PDZRN4: variants seen among roughly 807,000 people sequenced by gnomAD.
PDZRN4 encodes PDZ domain-containing RING finger protein 4.
Under a neutral mutation model 99.0 loss-of-function variants are expected in PDZRN4, and 70 were observed. The observed-to-expected ratio is 0.71, with a 90% CI of 0.58 to 0.86. The LOEUF (loss-of-function observed/expected upper bound fraction) is 0.86, where lower values mean the gene tolerates loss of function less well. Among genes scored for constraint, PDZRN4 ranks in the 40% least tolerant of loss-of-function variants. The pLI, the probability that PDZRN4 is intolerant of heterozygous loss-of-function variation, is 0.00. For synonymous variants in PDZRN4, 551 were observed against 501.6 expected (o/e 1.10, Z -1.32); for missense variants, 1,474 against 1,331.2 (o/e 1.11, Z -1.67).
chr12:41,376,487 G>A (rs1169142958), intron 3 of PDZRN4, among the ~76,000 whole-genome samples: 1 of 151,850 alleles, frequency 6.6e-6, no homozygotes, highest in Non-Finnish European at 1.5e-5. Context: ...CACTTATATT[G>A]AATATATTTT....
At chr12:41,266,115 TC>T (rs1951274673) in intron 3 of PDZRN4, among the ~76,000 whole-genome samples, 1 of 14,658 alleles carries the variant, frequency 6.8e-5, no homozygotes, top group African/African-American at 1.8e-4. Context: ...ATCGAGACCA[TC>T]CCGGCTAAAA....
At chr12:41,566,489 G>A (rs1939374004) in intron 8 of PDZRN4, among the ~76,000 whole-genome samples, 1 of 152,110 alleles carries the variant, frequency 6.6e-6, no homozygotes, top group Non-Finnish European at 1.5e-5. Context: ...GCATATCAAA[G>A]TCACAGGAAT....
chr12:41,515,665 G>A (rs138679471), intron 5 of PDZRN4, among the ~76,000 whole-genome samples: 34 of 152,000 alleles, frequency 2.2e-4, no homozygotes, highest in South Asian at 4.2e-4. Context: ...ATCATATATC[G>A]GAGCTAGTAT....
At chr12:41,438,211 T>C (rs1201671198) in intron 3 of PDZRN4, among the ~76,000 whole-genome samples, 1 of 152,188 alleles carries the variant, frequency 6.6e-6, no homozygotes, top group Non-Finnish European at 1.5e-5. Flanking sequence ...TCAGATGACT[T>C]CCTGTGGGAT....
At chr12:41,456,307 T>A (rs1311509796) in intron 3 of PDZRN4, among the ~76,000 whole-genome samples, 2 of 152,004 alleles carry the variant, frequency 1.3e-5, no homozygotes, top group African/African-American at 4.8e-5. Flanking sequence ...AATGTACTTC[T>A]CCCCAGGATA....
In PDZRN4 at chr12:41,572,893, G is replaced by C. The variant is rs553791174; in HGVS notation, c.2114G>C (p.Gly705Ala). The C allele has an allele frequency of 3.1e-6, 5 of 1,614,168 alleles. No homozygotes were observed. The South Asian group carries it at 4.4e-5, about 14-fold the overall frequency. The change falls in exon 10 of 10, where the codon GGA (glycine) becomes GCA (alanine). Residue 705 changes from glycine to alanine, a missense_variant. Transcript: ENST00000402685. ...GGAGACATCTGGACATTGCATGATGGAGGATTCCGGAATTATAACACCAGC... is the reference window on the plus strand; with the variant it reads ...GGAGACATCTGGACATTGCATGATGCAGGATTCCGGAATTATAACACCAGC... ...QYGDIWTLHD[G>A]GFRNYNTSID...
At chr12:41,263,158 C>T (rs2120837017) in intron 3 of PDZRN4, among the ~76,000 whole-genome samples, 1 of 152,172 alleles carries the variant, frequency 6.6e-6, no homozygotes, top group South Asian at 2.1e-4. Context: ...ATCAATGAGA[C>T]ATATAAAATG....
chr12:41,339,973 G>A (rs1951804615), intron 3 of PDZRN4, among the ~76,000 whole-genome samples: 1 of 151,978 alleles, frequency 6.6e-6, no homozygotes, highest in Admixed American at 6.6e-5. Context: ...CACTGTTGGT[G>A]GTTACACCAT....
chr12:41,438,875 A>C (rs1952654114), intron 3 of PDZRN4, among the ~76,000 whole-genome samples: 1 of 152,202 alleles, frequency 6.6e-6, no homozygotes, highest in Non-Finnish European at 1.5e-5. Flanking sequence ...CCCTTCTTCC[A>C]GTTTGTCCCA....
At chr12:41,200,935 G>T (rs1412678945) in intron 3 of PDZRN4, among the ~76,000 whole-genome samples, 1 of 151,962 alleles carries the variant, frequency 6.6e-6, no homozygotes, top group East Asian at 1.9e-4. Context: ...TGACACCTAA[G>T]CTTTTATCAT....
intron 3 of PDZRN4, among the ~76,000 whole-genome samples, chr12:41,330,517 C>T (rs1360384731): frequency 2.7e-5 from 4 of 149,406 alleles, no homozygotes; most frequent in Non-Finnish European, 4.5e-5. Context: ...AGACAATTTC[C>T]TATGATCTTT....
At chr12:41,559,437 TGGC>T (rs1179574199) in intron 7 of PDZRN4, among the ~76,000 whole-genome samples, 26 of 152,322 alleles carry the variant, frequency 1.7e-4, no homozygotes, top group African/African-American at 6.0e-4. Context: ...GTGCTGAATA[TGGC>T]ATTTCTGAAT....
At chr12:41,197,062 TA>T (rs1169160752) in intron 3 of PDZRN4, among the ~76,000 whole-genome samples, 2 of 151,738 alleles carry the variant, frequency 1.3e-5, no homozygotes, top group Non-Finnish European at 2.9e-5. Flanking sequence ...AAATAAAAAA[TA>T]AAAACAATAA....
intron 3 of PDZRN4, among the ~76,000 whole-genome samples, chr12:41,265,013 A>G (rs1951267000): frequency 6.6e-6 from 1 of 152,162 alleles, no homozygotes; most frequent in Non-Finnish European, 1.5e-5. Context: ...TATTTGGGTG[A>G]CGGGTTCAAT....
intron 3 of PDZRN4, among the ~76,000 whole-genome samples, chr12:41,343,884 A>G (rs1951835146): frequency 6.6e-6 from 1 of 152,092 alleles, no homozygotes; most frequent in East Asian, 1.9e-4. Flanking sequence ...AATAAAAACA[A>G]GAAAGTTAAA....
intron 5 of PDZRN4, among the ~76,000 whole-genome samples, chr12:41,521,178 T>C (rs1938486876): frequency 6.6e-6 from 1 of 152,116 alleles, no homozygotes; most frequent in African/African-American, 2.4e-5. Context: ...ACAGATATTC[T>C]CTTTTCATAT....
chr12:41,338,819 C>A (rs1358272), intron 3 of PDZRN4, among the ~76,000 whole-genome samples: 135,415 of 151,948 alleles, frequency 0.89, 60,583 homozygotes, highest in Middle Eastern at 0.96. Flanking sequence ...ACAACAACAA[C>A]AAAATCTTTC....
intron 3 of PDZRN4, among the ~76,000 whole-genome samples, chr12:41,290,171 T>C (rs1271701321): frequency 6.6e-6 from 1 of 152,210 alleles, no homozygotes; most frequent in Non-Finnish European, 1.5e-5. Context: ...TAAGCTCAGA[T>C]GAAAGATGAT....
intron 5 of PDZRN4, among the ~76,000 whole-genome samples, chr12:41,540,693 C>T (rs1048243774): frequency 7.9e-5 from 12 of 152,018 alleles, no homozygotes; most frequent in African/African-American, 2.9e-4. Flanking sequence ...TTAACATGCC[C>T]CAGATTCTTT....
Sources: gnomAD v4.1 joint callset for allele counts (sites outside exome capture counted in the v4.1 genomes callset) on GRCh38, gnomAD v4.1.1 for gene constraint, MANE v1.5 for transcripts, NCBI Gene and HGNC (gene_info 2026-07-23, HGNC 2026-07-21) for gene names.